RSRC1: variants seen among roughly 807,000 people sequenced by gnomAD.
RSRC1 encodes arginine and serine rich coiled-coil 1, also known as serine/Arginine-related protein 53.
RSRC1 carries 39 observed loss-of-function variants against 49.1 expected under a neutral mutation model. The ratio of observed to expected loss-of-function variants is 0.79; its 90% CI spans 0.61 to 1.04. The LOEUF is 1.04. Among genes scored for constraint, RSRC1 ranks in the 50% least tolerant of loss-of-function variants. The probability of loss-of-function intolerance (pLI) is 0.00; values close to 1 mark genes in which losing one functional copy is unlikely to be tolerated. For missense variants in RSRC1, 388 were observed against 402.4 expected (o/e 0.96, Z 0.31); for synonymous variants, 143 against 130.8 (o/e 1.09, Z -0.63).
At chr3:158,222,213 A>G (rs922475494) in intron 4 of RSRC1, among the ~76,000 whole-genome samples, 2 of 151,530 alleles carry the variant, frequency 1.3e-5, no homozygotes, top group African/African-American at 4.8e-5. Context: ...CTTGCTAGTA[A>G]TATTACTTAT....
chr3:158,371,303 C>T (rs886814587), intron 6 of RSRC1, among the ~76,000 whole-genome samples: 1 of 151,700 alleles, frequency 6.6e-6, no homozygotes, highest in Non-Finnish European at 1.5e-5. Flanking sequence ...TAATTTTCGA[C>T]AAATGCAAAT....
chr3:158,236,870 A>G (rs1213632692), intron 4 of RSRC1, among the ~76,000 whole-genome samples: 12 of 152,194 alleles, frequency 7.9e-5, no homozygotes, highest in Non-Finnish European at 1.8e-4. Flanking sequence ...TTCTCCAGAA[A>G]GTTCATTGGC....
At chr3:158,169,054 G>C (rs992928778) in intron 3 of RSRC1, among the ~76,000 whole-genome samples, 1 of 152,054 alleles carries the variant, frequency 6.6e-6, no homozygotes, top group Admixed American at 6.6e-5. Context: ...GAGTTAAATA[G>C]AAACCAGCCC....
intron 5 of RSRC1, among the ~76,000 whole-genome samples, chr3:158,311,361 C>T (rs1441803253): frequency 6.6e-6 from 1 of 151,754 alleles, no homozygotes; most frequent in African/African-American, 2.4e-5. Context: ...TGCTCCAGAA[C>T]AGCGTATTCT....
chr3:158,469,236 T>C, intron 7 of RSRC1: 1 of 323,470 alleles, frequency 3.1e-6, no homozygotes, highest in South Asian at 2.7e-5. Context: ...ATCTAAAAAC[T>C]ACATTATGTT....
intron 4 of RSRC1, among the ~76,000 whole-genome samples, chr3:158,243,522 T>C (rs542304494): frequency 2.0e-5 from 3 of 152,282 alleles, no homozygotes; most frequent in South Asian, 4.2e-4. Flanking sequence ...TTGCCTTGGC[T>C]ATTGCAGCTT....
intron 7 of RSRC1, among the ~76,000 whole-genome samples, chr3:158,527,077 C>CTTTTTTT (rs543523088): frequency 1.8e-5 from 2 of 110,180 alleles, no homozygotes; most frequent in Non-Finnish European, 1.8e-5. Context: ...AGTTCAAAAT[C>CTTTTTTT]TTTTTTTTTT....
At chr3:158,323,943 A>G (rs1353192880) in intron 5 of RSRC1, among the ~76,000 whole-genome samples, 3 of 101,720 alleles carry the variant, frequency 2.9e-5, no homozygotes, top group Admixed American at 2.1e-4. Flanking sequence ...TACACATTAT[A>G]TATACACAGA....
At chr3:158,138,309 C>CTGCA (rs1407700858) in intron 3 of RSRC1, among the ~76,000 whole-genome samples, 2 of 152,224 alleles carry the variant, frequency 1.3e-5, no homozygotes, top group Non-Finnish European at 2.9e-5. Context: ...CAGACAGTGA[C>CTGCA]TGCACTTCTT....
intron 4 of RSRC1, among the ~76,000 whole-genome samples, chr3:158,261,754 A>T (rs992984245): frequency 6.6e-6 from 1 of 152,200 alleles, no homozygotes; most frequent in African/African-American, 2.4e-5. Flanking sequence ...TCCTATGAGA[A>T]TCTAATGCCT....
At chr3:158,455,780 G>A (rs181051067) in intron 6 of RSRC1, among the ~76,000 whole-genome samples, 64 of 151,968 alleles carry the variant, frequency 4.2e-4, no homozygotes, top group African/African-American at 1.4e-3. Flanking sequence ...AGGAGTTCAC[G>A]ACCAGCCTGG....
At chr3:158,362,640 G>C (rs1205103281) in intron 6 of RSRC1, among the ~76,000 whole-genome samples, 2 of 152,180 alleles carry the variant, frequency 1.3e-5, no homozygotes, top group Non-Finnish European at 2.9e-5. Flanking sequence ...TGACAGAAAA[G>C]ACAGTAAAAC....
intron 4 of RSRC1, among the ~76,000 whole-genome samples, chr3:158,277,281 A>G (rs1205906221): frequency 6.6e-6 from 1 of 152,204 alleles, no homozygotes; most frequent in Non-Finnish European, 1.5e-5. Context: ...TTATCTTTTA[A>G]TGCTGATCTG....
intron 7 of RSRC1, among the ~76,000 whole-genome samples, chr3:158,518,148 A>ATATATATTTTTTT (rs1310027981): frequency 4.5e-5 from 2 of 44,132 alleles, no homozygotes; most frequent in African/African-American, 3.1e-4. Context: ...ATATATATAT[A>ATATATATTTTTTT]TTTTTTTTTT....
At chr3:158,164,721 T>G (rs973905481) in intron 3 of RSRC1, among the ~76,000 whole-genome samples, 5 of 152,200 alleles carry the variant, frequency 3.3e-5, no homozygotes, top group African/African-American at 1.2e-4. Flanking sequence ...AGTGGCAGTT[T>G]AGCTAGGTAA....
chr3:158,141,141 T>A (rs4680416), intron 3 of RSRC1, among the ~76,000 whole-genome samples: 1 of 152,228 alleles, frequency 6.6e-6, no homozygotes, highest in Non-Finnish European at 1.5e-5. Flanking sequence ...GACCTTCAGA[T>A]GAGGTGTGAA....
intron 6 of RSRC1, among the ~76,000 whole-genome samples, chr3:158,426,902 A>G (rs1366730215): frequency 4.6e-5 from 7 of 151,816 alleles, no homozygotes; most frequent in Admixed American, 4.6e-4. Flanking sequence ...CTAATTTATC[A>G]AAGGTTGAGA....
intron 6 of RSRC1, among the ~76,000 whole-genome samples, chr3:158,415,287 T>C (rs1465740547): frequency 6.6e-6 from 1 of 152,138 alleles, no homozygotes; most frequent in Non-Finnish European, 1.5e-5. Flanking sequence ...TATAGCTTTT[T>C]TTGTGTGTGT....
chr3:158,538,671 T>C (rs1037090298), intron 8 of RSRC1, among the ~76,000 whole-genome samples: 28 of 151,974 alleles, frequency 1.8e-4, no homozygotes, highest in African/African-American at 5.3e-4. Context: ...TTTTTCCCTT[T>C]AAACTTATTT....
Sources: allele counts gnomAD v4.1 joint callset (sites outside exome capture counted in the v4.1 genomes callset), GRCh38; gene constraint gnomAD v4.1.1; transcripts MANE v1.5; gene names NCBI Gene and HGNC (gene_info 2026-07-23, HGNC 2026-07-21).